The following RBFOX1 variants were observed in gnomAD, a reference collection of about 807,000 sequenced individuals.
The protein encoded by RBFOX1 is RNA binding protein fox-1 homolog 1.
Under a neutral mutation model 57.7 loss-of-function variants are expected in RBFOX1, and 8 were observed. That is an observed-to-expected ratio of 0.14 (90% CI 0.08 to 0.25). The LOEUF is 0.25. RBFOX1 is among the 10% of genes least tolerant of loss of function. The pLI, the probability that RBFOX1 is intolerant of heterozygous loss-of-function variation, is 1.00. For synonymous variants in RBFOX1, 326 were observed against 222.4 expected (o/e 1.47, Z -4.15); for missense variants, 611 against 548.5 (o/e 1.11, Z -1.14).
At chr16:7,171,653 C>G (rs1362656765) in intron 4 of RBFOX1, among the ~76,000 whole-genome samples, 1 of 152,156 alleles carries the variant, frequency 6.6e-6, no homozygotes, top group African/African-American at 2.4e-5. Context: ...TTTACTTCAC[C>G]ATGCCAGAAG....
chr16:7,360,816 T>G (rs1169785479), intron 4 of RBFOX1, among the ~76,000 whole-genome samples: 1 of 152,224 alleles, frequency 6.6e-6, no homozygotes, highest in Non-Finnish European at 1.5e-5. Context: ...GTGCCATTAA[T>G]TAGGCTTGTA....
rs74004391 is a variant in RBFOX1 at position 5,542,647 on chromosome 16, G to A, written c.259-56255G>A. The stretch of plus-strand genomic sequence containing the variant: ...GATTTTAAGTAAACAAAAAGACCAC[G>A]CAACACTTCCATTGTTATTTAGAGA... On this transcript the variant is annotated intron_variant, in intron 2 of 2. Transcript: ENST00000585867. 9.3e-3 allele frequency among the ~76,000 whole-genome samples: 1,419 copies of A among 152,210 alleles called. 20 individuals carry two copies. The highest frequency in any genetic ancestry group is 0.032 in the African/African-American group (1,313 of 41,516).
chr16:6,922,445 T>C (rs1056634154), intron 3 of RBFOX1, among the ~76,000 whole-genome samples: 1 of 152,202 alleles, frequency 6.6e-6, no homozygotes, highest in African/African-American at 2.4e-5. Context: ...CCAGGCTGTC[T>C]TGCCTCTTCC....
intron 1 of RBFOX1, among the ~76,000 whole-genome samples, chr16:6,299,246 T>A (rs1045519999): frequency 6.6e-6 from 1 of 152,232 alleles, no homozygotes; most frequent in African/African-American, 2.4e-5. Context: ...ACCCTTTTCC[T>A]ATTTTTGCTC....
chr16:5,355,214 C>G (rs1220334574), intron 1 of RBFOX1, among the ~76,000 whole-genome samples: 7 of 152,116 alleles, frequency 4.6e-5, no homozygotes, highest in Admixed American at 4.6e-4. Context: ...TTGCATCATT[C>G]TGTGCGTTAG....
intron 3 of RBFOX1, among the ~76,000 whole-genome samples, chr16:5,660,839 A>G (rs1202759236): frequency 1.3e-5 from 2 of 152,186 alleles, no homozygotes; most frequent in Admixed American, 6.5e-5. Context: ...GATTCCTGTC[A>G]TGGAGCATAA....
intron 1 of RBFOX1, among the ~76,000 whole-genome samples, chr16:6,033,303 T>G (rs2152393309): frequency 6.6e-6 from 1 of 152,322 alleles, no homozygotes; most frequent in African/African-American, 2.4e-5. Flanking sequence ...ACAGGGCATA[T>G]TTGATGCTTT....
chr16:6,003,433 C>A (rs1042710941), intron 4 of RBFOX1, among the ~76,000 whole-genome samples: 1 of 152,158 alleles, frequency 6.6e-6, no homozygotes, highest in Non-Finnish European at 1.5e-5. Flanking sequence ...AGTTTCTCCT[C>A]CTGCATTTTG....
intron 3 of RBFOX1, among the ~76,000 whole-genome samples, chr16:6,933,437 G>A (rs1382895423): frequency 6.6e-6 from 1 of 152,232 alleles, no homozygotes; most frequent in African/African-American, 2.4e-5. Context: ...TCCTGGCCAG[G>A]TGCAGTGGCT....
chr16:6,192,011 A>G (rs937048168), intron 1 of RBFOX1, among the ~76,000 whole-genome samples: 1 of 152,182 alleles, frequency 6.6e-6, no homozygotes, highest in African/African-American at 2.4e-5. Flanking sequence ...ATTGAGGAAG[A>G]AGGTCATGGA....
At chr16:7,334,122 CT>C (rs1192741778) in intron 4 of RBFOX1, among the ~76,000 whole-genome samples, 2 of 152,098 alleles carry the variant, frequency 1.3e-5, no homozygotes, top group Non-Finnish European at 2.9e-5. Flanking sequence ...ACTTTTCCCC[CT>C]ACCTCTTCTG....
chr16:7,458,060 A>G (rs567190146), intron 4 of RBFOX1, among the ~76,000 whole-genome samples: 22 of 152,242 alleles, frequency 1.4e-4, no homozygotes, highest in Admixed American at 9.2e-4. Flanking sequence ...CTTTAAGGAC[A>G]TACTTCCTGA....
Position 6,553,599 on chromosome 16 carries a change from G to T in RBFOX1, c.-63-101004G>T, listed in dbSNP as rs116914548. On this transcript the variant is annotated intron_variant, in intron 2 of 15. Coordinates refer to ENST00000550418, the MANE Select transcript of RBFOX1 (RefSeq NM_018723.4). ...CTCACCTTTGTGCTACTCACAAGTT[G>T]CCATGGAGGTGAGAGTAGACGCGGT... is the stretch of plus-strand genomic sequence containing the variant. Among the ~76,000 whole-genome samples, 986 of 152,292 alleles carry T rather than the reference G, an allele frequency of 6.5e-3. 8 individuals carry two copies. The highest frequency in any genetic ancestry group is 0.015 in the Admixed American group (228 of 15,302).
intron 11 of RBFOX1, among the ~76,000 whole-genome samples, chr16:7,638,424 A>AG (rs56749593): frequency 0.95 from 145,015 of 152,126 alleles, 69,558 homozygotes; most frequent in East Asian, 1. Flanking sequence ...CTCTCAACTT[A>AG]CCCCAGAGGC....
At chr16:7,516,002 G>T (rs1485309239) in intron 4 of RBFOX1, among the ~76,000 whole-genome samples, 5 of 152,158 alleles carry the variant, frequency 3.3e-5, no homozygotes, top group African/African-American at 1.2e-4. Context: ...GTGCCACCAT[G>T]CCCGGCTAAT....
chr16:6,824,266 G>A (rs2091801499), intron 3 of RBFOX1, among the ~76,000 whole-genome samples: 1 of 152,184 alleles, frequency 6.6e-6, no homozygotes, highest in South Asian at 2.1e-4. Context: ...TTAGCCAGAT[G>A]TGGTGGTTGG....
chr16:6,030,993 C>G (rs1378479789), intron 1 of RBFOX1, among the ~76,000 whole-genome samples: 1 of 152,130 alleles, frequency 6.6e-6, no homozygotes, highest in Non-Finnish European at 1.5e-5. Flanking sequence ...GTGAGAGAGA[C>G]TGACACGAAA....
At position 7,710,770 on chromosome 16, in the gene RBFOX1, A is replaced by T; in HGVS notation, c.*25A>T. Reference sequence around the variant, plus strand: ...AATGACAAAACCATAAAAACCTTCCAATGTGGGGAGAAAGGAAGCTTTCCG... The same window carrying T: ...AATGACAAAACCATAAAAACCTTCCTATGTGGGGAGAAAGGAAGCTTTCCG... On this transcript the variant is annotated 3_prime_UTR_variant, in exon 16 of 16. Transcript: ENST00000550418. 6.6e-7 allele frequency: 1 copy of T among 1,524,844 alleles called. No individual in the cohort carries two copies. The highest frequency in any genetic ancestry group is 8.8e-7 in the Non-Finnish European group (1 of 1,134,972). The allele number at this position is 1,524,844 out of a possible 1,614,324, so 94.5% of individuals were successfully genotyped here.
At chr16:7,645,328 G>A (rs1258807188) in intron 11 of RBFOX1, among the ~76,000 whole-genome samples, 2 of 152,126 alleles carry the variant, frequency 1.3e-5, no homozygotes, top group Non-Finnish European at 2.9e-5. Context: ...ATTTCCTCGT[G>A]CCATGTCAAT....
Sources: gnomAD v4.1 joint callset for allele counts (sites outside exome capture counted in the v4.1 genomes callset) on GRCh38, gnomAD v4.1.1 for gene constraint, MANE v1.5 for transcripts, NCBI Gene and HGNC (gene_info 2026-07-23, HGNC 2026-07-21) for gene names.